The following TEC variants were observed in gnomAD, a reference collection of about 807,000 sequenced individuals.
The protein encoded by TEC is tec protein tyrosine kinase, also known as tyrosine-protein kinase Tec.
A neutral mutation model predicts 93.0 loss-of-function variants in TEC; 72 were observed. The observed-to-expected ratio is 0.77, with a 90% confidence interval of 0.64 to 0.94. The LOEUF (loss-of-function observed/expected upper bound fraction) is 0.94. Among genes scored for constraint, TEC ranks in the 40% least tolerant of loss-of-function variants. The pLI, the probability that TEC is intolerant of heterozygous loss-of-function variation, is 0.00. For synonymous variants in TEC, 249 were observed against 247.7 expected, an observed-to-expected ratio of 1.01 and a Z score of -0.05; for missense variants, 630 against 757.9, an observed-to-expected ratio of 0.83 and a Z score of 1.98.
At chr4:48,228,325 C>G (rs1723543441) in intron 2 of TEC, 152 bp downstream of exon 2, 2 of 790,314 alleles carry the variant, frequency 2.5e-6, no homozygotes. Flanking sequence ...TAATTTCTAT[C>G]CATACTCTGA....
chr4:48,257,783 C>T (rs945525529), intron 1 of TEC, among the ~76,000 whole-genome samples: 4 of 46,126 alleles, frequency 8.7e-5, no homozygotes, highest in Non-Finnish European at 2.3e-4. Context: ...CAAGAGGGTG[C>T]ACCCTGTCCA....
At chr4:48,225,011 G>C (rs553223614) in intron 2 of TEC, among the ~76,000 whole-genome samples, 1 of 152,224 alleles carries the variant, frequency 6.6e-6, no homozygotes, top group South Asian at 2.1e-4. Context: ...GAAAACAGGA[G>C]AACTATGAAC....
intron 2 of TEC, among the ~76,000 whole-genome samples, chr4:48,188,000 C>A (rs1239049058): frequency 5.3e-5 from 8 of 152,112 alleles, no homozygotes; most frequent in Non-Finnish European, 1.0e-4. Context: ...ATCTGCCATG[C>A]ACTTAAGTGA....
chr4:48,203,258 G>T (rs1973578), intron 2 of TEC, among the ~76,000 whole-genome samples: 1 of 152,042 alleles, frequency 6.6e-6, no homozygotes, highest in Non-Finnish European at 1.5e-5. Context: ...CCAGCTACTG[G>T]GGAGGCTGAG....
At chr4:48,190,748 G>A (rs1420364483) in intron 2 of TEC, among the ~76,000 whole-genome samples, 1 of 152,174 alleles carries the variant, frequency 6.6e-6, no homozygotes, top group East Asian at 1.9e-4. Flanking sequence ...GCTGTCTCCT[G>A]AGACTAATAA....
intron 2 of TEC, among the ~76,000 whole-genome samples, chr4:48,188,002 C>T (rs1190933670): frequency 6.6e-6 from 1 of 152,098 alleles, no homozygotes; most frequent in African/African-American, 2.4e-5. Flanking sequence ...CTGCCATGCA[C>T]TTAAGTGAGG....
chr4:48,254,828 T>C (rs116431023), intron 1 of TEC, among the ~76,000 whole-genome samples: 173 of 152,300 alleles, frequency 1.1e-3, no homozygotes, highest in African/African-American at 4.0e-3. Context: ...GCGGGGGCTG[T>C]TGGTGAGGAG....
intron 1 of TEC, among the ~76,000 whole-genome samples, chr4:48,232,446 T>C (rs557330662): frequency 6.6e-6 from 1 of 152,352 alleles, no homozygotes; most frequent in South Asian, 2.1e-4. Flanking sequence ...AATGGCTTAC[T>C]CAAGGTCACA....
intron 2 of TEC, among the ~76,000 whole-genome samples, chr4:48,214,226 C>T (rs1239789283): frequency 6.6e-6 from 1 of 151,988 alleles, no homozygotes; most frequent in Non-Finnish European, 1.5e-5. Context: ...AGGCAATAAT[C>T]ATAACACATA....
chr4:48,163,343 A>G (rs1227523937), intron 8 of TEC, among the ~76,000 whole-genome samples: 1 of 152,192 alleles, frequency 6.6e-6, no homozygotes, highest in Non-Finnish European at 1.5e-5. Context: ...TAATTTCAGT[A>G]ATTTTTTCTT....
At chr4:48,241,696 G>T (rs1397014685) in intron 1 of TEC, among the ~76,000 whole-genome samples, 1 of 150,808 alleles carries the variant, frequency 6.6e-6, no homozygotes, top group Non-Finnish European at 1.5e-5. Flanking sequence ...GTCTTGGATG[G>T]TTTCTAACAC....
In TEC at chr4:48,137,248, T is replaced by C. The variant is rs1719463068; in HGVS notation, c.*168A>G. The C allele has an allele frequency of 6.7e-6, 4 of 596,596 alleles. No homozygotes were observed. Among genetic ancestry groups the C allele is most frequent in the South Asian group, 6.4e-5 (3 of 47,110 alleles). The allele number at this position is 596,596 out of a possible 1,614,324, so 37.0% of individuals were successfully genotyped here. On this transcript the variant is annotated 3_prime_UTR_variant, in exon 18 of 18. Transcript: ENST00000381501. ...AACATTTCCACACTCTGGGAGATTC[T>C]GTCTAGAAGCAAGTCTAGACAGAGG...
intron 14 of TEC, chr4:48,141,652 C>T: frequency 1.6e-5 from 6 of 378,998 alleles, no homozygotes; most frequent in Admixed American, 4.5e-5. Context: ...ATTACATAAT[C>T]TTTACCAATT....
At chr4:48,151,055 A>G in intron 9 of TEC, 113 bp from the exon 10 acceptor site, 1 of 707,042 alleles carries the variant, frequency 1.4e-6, no homozygotes, top group Non-Finnish European at 2.1e-6. Context: ...CTTTCCCAGA[A>G]AAAAATGCTT....
chr4:48,171,227 A>G, intron 4 of TEC, 141 bp downstream of exon 4: 1 of 673,832 alleles, frequency 1.5e-6, no homozygotes. Flanking sequence ...ACTTACAACA[A>G]CAGCATATCC....
At chr4:48,244,472 CA>C (rs1483878839) in intron 1 of TEC, among the ~76,000 whole-genome samples, 1 of 152,206 alleles carries the variant, frequency 6.6e-6, no homozygotes, top group Non-Finnish European at 1.5e-5. Flanking sequence ...TATTCACTAT[CA>C]CAAGAACAGC....
At chr4:48,217,756 T>A (rs964634303) in intron 2 of TEC, among the ~76,000 whole-genome samples, 1 of 151,336 alleles carries the variant, frequency 6.6e-6, no homozygotes, top group Admixed American at 6.6e-5. Flanking sequence ...GCAGGGAGGG[T>A]GAGGAATAGC....
chr4:48,241,577 AC>A (rs2109657254), intron 1 of TEC, among the ~76,000 whole-genome samples: 1 of 152,010 alleles, frequency 6.6e-6, no homozygotes, highest in African/African-American at 2.4e-5. Flanking sequence ...GGTTCAAGTC[AC>A]CCCCAGCCAT....
At chr4:48,146,497 C>T (rs1719917468) in intron 11 of TEC, 98 bp from the exon 12 acceptor site, 2 of 1,028,894 alleles carry the variant, frequency 1.9e-6, no homozygotes, top group Admixed American at 1.8e-5. Context: ...ATCATTTATT[C>T]ATTTACTGCT....
Sources: gnomAD v4.1 joint callset for allele counts (sites outside exome capture counted in the v4.1 genomes callset) on GRCh38, gnomAD v4.1.1 for gene constraint, MANE v1.5 for transcripts, NCBI Gene and HGNC (gene_info 2026-07-23, HGNC 2026-07-21) for gene names.